The following ACTR3C variants were observed in gnomAD, a reference collection of about 807,000 sequenced individuals.
ACTR3C encodes actin related protein 3C.
Under a neutral mutation model 26.3 loss-of-function variants are expected in ACTR3C, and 18 were observed. The observed-to-expected ratio is 0.68, with a 90% CI of 0.47 to 1.01. The LOEUF (loss-of-function observed/expected upper bound fraction) is 1.01, where lower values mean the gene tolerates loss of function less well. ACTR3C is among the 50% of genes least tolerant of loss of function. The pLI is 0.00. For missense variants in ACTR3C, 184 were observed against 250.7 expected (o/e 0.73, Z 1.80); for synonymous variants, 55 against 94.5 (o/e 0.58, Z 2.42).
the ACTR3C span, among the ~76,000 whole-genome samples, chr7:149,928,989 C>T: frequency 9.9e-5 from 15 of 152,260 alleles, no homozygotes; most frequent in South Asian, 2.3e-3. Flanking sequence ...TTGAACAGAA[C>T]GACAACTCCT....
chr7:150,003,259 TTG>T, the ACTR3C span, among the ~76,000 whole-genome samples: 1 of 152,182 alleles, frequency 6.6e-6, no homozygotes, highest in East Asian at 1.9e-4. Flanking sequence ...TGTGTGTGGT[TTG>T]TGTGTGGTGT....
the ACTR3C span, among the ~76,000 whole-genome samples, chr7:150,220,142 A>C: frequency 6.8e-6 from 1 of 147,184 alleles, no homozygotes; most frequent in East Asian, 1.9e-4. Flanking sequence ...GGCTGCTCAC[A>C]CTCCCTCCAC....
the ACTR3C span, among the ~76,000 whole-genome samples, chr7:149,967,597 A>G: frequency 2.0e-5 from 3 of 152,208 alleles, no homozygotes; most frequent in South Asian, 2.1e-4. Flanking sequence ...CAGTTTTGAT[A>G]TGAACCATTC....
intron 1 of ACTR3C, among the ~76,000 whole-genome samples, chr7:150,309,068 C>T (rs1040825845): frequency 5.9e-5 from 9 of 152,272 alleles, no homozygotes; most frequent in Admixed American, 3.9e-4. Context: ...CTGCTTGCAT[C>T]GTGAGCCAGA....
At chr7:149,910,444 T>A in the ACTR3C span, among the ~76,000 whole-genome samples, 13 of 152,156 alleles carry the variant, frequency 8.5e-5, no homozygotes, top group African/African-American at 2.9e-4. Context: ...AAGCATTTGC[T>A]AGTCTCCTAA....
the ACTR3C span, among the ~76,000 whole-genome samples, chr7:149,954,438 G>A: frequency 6.6e-6 from 1 of 152,074 alleles, no homozygotes; most frequent in Non-Finnish European, 1.5e-5. Flanking sequence ...TTCCACTTCT[G>A]CACATATTTG....
chr7:149,983,095 C>G, the ACTR3C span, among the ~76,000 whole-genome samples: 13 of 151,278 alleles, frequency 8.6e-5, no homozygotes, highest in Admixed American at 7.9e-4. Flanking sequence ...GAACTCTTAC[C>G]TTATGCTGTA....
chr7:149,989,735 G>A, the ACTR3C span, among the ~76,000 whole-genome samples: 2 of 152,130 alleles, frequency 1.3e-5, no homozygotes, highest in Admixed American at 6.5e-5. Flanking sequence ...GTGCTGCAGT[G>A]AGCATGGGAG....
chr7:150,199,948 C>T, the ACTR3C span, among the ~76,000 whole-genome samples: 2 of 152,092 alleles, frequency 1.3e-5, no homozygotes, highest in African/African-American at 2.4e-5. Flanking sequence ...CATTTGTGGA[C>T]ACCATGATCT....
At chr7:150,035,778 G>T in the ACTR3C span, among the ~76,000 whole-genome samples, 4 of 137,962 alleles carry the variant, frequency 2.9e-5, no homozygotes, top group Admixed American at 6.9e-5. Context: ...CTGCGATGGG[G>T]TTCCTAAGAG....
the ACTR3C span, among the ~76,000 whole-genome samples, chr7:149,898,575 G>A: frequency 1.2e-4 from 18 of 149,320 alleles, no homozygotes; most frequent in African/African-American, 3.9e-4. Context: ...ATGGTGGTGC[G>A]CACCTGTAGT....
At chr7:150,176,318 T>C in the ACTR3C span, among the ~76,000 whole-genome samples, 1 of 150,710 alleles carries the variant, frequency 6.6e-6, no homozygotes, top group South Asian at 2.1e-4. Context: ...AGTTGCTCCG[T>C]AGAAATGAAC....
At chr7:150,239,456 C>A (rs1252311617), downstream of ACTR3C, among the ~76,000 whole-genome samples, 2 of 137,360 alleles carry the variant, frequency 1.5e-5, no homozygotes, top group African/African-American at 3.1e-5. Flanking sequence ...ATTTTCCACT[C>A]CACACATTGA....
the ACTR3C span, among the ~76,000 whole-genome samples, chr7:150,077,822 T>C: frequency 2.6e-5 from 4 of 152,228 alleles, no homozygotes; most frequent in African/African-American, 9.6e-5. Flanking sequence ...GACCACAATC[T>C]GCACTAAGAT....
the ACTR3C span, among the ~76,000 whole-genome samples, chr7:150,039,162 G>C: frequency 4.6e-5 from 7 of 151,510 alleles, no homozygotes; most frequent in South Asian, 1.3e-3. Context: ...TGGGGGAAGA[G>C]GGTCTGGCTC....
At chr7:149,975,721 C>T in the ACTR3C span, among the ~76,000 whole-genome samples, 2 of 152,260 alleles carry the variant, frequency 1.3e-5, no homozygotes, top group African/African-American at 2.4e-5. Context: ...AGGAAACTTA[C>T]AGTTATGGAG....
chr7:150,170,579 C>T, the ACTR3C span, among the ~76,000 whole-genome samples: 2 of 150,736 alleles, frequency 1.3e-5, no homozygotes, highest in Non-Finnish European at 2.9e-5. Flanking sequence ...CCCCAGAGAT[C>T]AGGTTGGTAA....
the ACTR3C span, among the ~76,000 whole-genome samples, chr7:150,041,751 G>A: frequency 4.1e-5 from 2 of 48,856 alleles, no homozygotes; most frequent in African/African-American, 2.7e-4. Context: ...CTAAGAGCCA[G>A]GGGGGGGAAG....
chr7:150,208,988 A>G, the ACTR3C span, among the ~76,000 whole-genome samples: 1 of 152,204 alleles, frequency 6.6e-6, no homozygotes, highest in East Asian at 1.9e-4. Flanking sequence ...GATACTGTGC[A>G]CAACAAAAAA....
Sources: gnomAD v4.1 joint callset for allele counts (sites outside exome capture counted in the v4.1 genomes callset) on GRCh38, gnomAD v4.1.1 for gene constraint, MANE v1.5 for transcripts, NCBI Gene and HGNC (gene_info 2026-07-23, HGNC 2026-07-21) for gene names.